The following EYS variants were observed in gnomAD, a reference collection of about 807,000 sequenced individuals.
EYS encodes the protein EGF-like photoreceptor maintenance factor.
In EYS, 250 loss-of-function variants were observed where a neutral mutation model predicts 282.1. The ratio of observed to expected loss-of-function variants is 0.89; its 90% CI spans 0.80 to 0.98. The LOEUF is 0.98. Among genes scored for constraint, EYS ranks in the 50% least tolerant of loss-of-function variants. The pLI, the probability that EYS is intolerant of heterozygous loss-of-function variation, is 0.00. For missense variants in EYS, 4,016 were observed against 3,709.0 expected (o/e 1.08, Z -2.15); for synonymous variants, 1,355 against 1,282.9 (o/e 1.06, Z -1.20).
intron 13 of EYS, among the ~76,000 whole-genome samples, chr6:65,011,022 G>T (rs1561919760): frequency 1.3e-5 from 2 of 152,192 alleles, no homozygotes; most frequent in Admixed American, 6.5e-5. Flanking sequence ...CTTATAGAAG[G>T]ATCCCTAGTA....
At chr6:64,350,426 T>A (rs1771580859) in intron 29 of EYS, among the ~76,000 whole-genome samples, 1 of 150,388 alleles carries the variant, frequency 6.6e-6, no homozygotes, top group African/African-American at 2.4e-5. Context: ...AGTAATTCCT[T>A]GTTAACCCAC....
intron 26 of EYS, among the ~76,000 whole-genome samples, chr6:64,572,671 A>G (rs1231360807): frequency 6.6e-6 from 1 of 152,174 alleles, no homozygotes; most frequent in Non-Finnish European, 1.5e-5. Context: ...CCCATTCACA[A>G]TTGCTACAAA....
intron 21 of EYS, among the ~76,000 whole-genome samples, chr6:64,817,109 G>A (rs911165447): frequency 4.0e-5 from 6 of 151,876 alleles, no homozygotes; most frequent in African/African-American, 1.2e-4. Context: ...AAAGGATATC[G>A]ATATTCTCTA....
chr6:64,148,055 G>A (rs1774578310), intron 31 of EYS, among the ~76,000 whole-genome samples: 1 of 151,974 alleles, frequency 6.6e-6, no homozygotes, highest in Non-Finnish European at 1.5e-5. Context: ...TTAAAATGTT[G>A]TTTCTTGCTT....
intron 26 of EYS, among the ~76,000 whole-genome samples, chr6:64,467,498 A>G (rs1236566606): frequency 6.6e-6 from 1 of 152,182 alleles, no homozygotes; most frequent in Non-Finnish European, 1.5e-5. Flanking sequence ...GGTAAATTCT[A>G]ATGAGTTGAT....
In EYS at chr6:65,092,703, A is replaced by G. The variant is rs1774610988; in HGVS notation, c.2024-34976T>C. Among the ~76,000 whole-genome samples the G allele has an allele frequency of 2.0e-5, 3 of 152,154 alleles. No individual in the cohort carries two copies. In the South Asian group the frequency reaches 6.2e-4, roughly 32 times the overall value. On this transcript the variant is annotated intron_variant, in intron 12 of 42. Coordinates refer to ENST00000503581, the MANE Select transcript of EYS (RefSeq NM_001142800.2). ...TTTTGTGTTTTATATCCAAGCACGTATCTAATTATCTTTCTGACTGAATTG... is the reference window on the plus strand; with the variant it reads ...TTTTGTGTTTTATATCCAAGCACGTGTCTAATTATCTTTCTGACTGAATTG...
chr6:64,873,846 A>T lies in EYS; in HGVS notation c.2992+12851T>A, dbSNP rs538683086. On this transcript the variant is annotated intron_variant, in intron 19 of 42. Coordinates refer to ENST00000503581, the MANE Select transcript of EYS (RefSeq NM_001142800.2). ...GTGTCAATTAAAAATAAATAAATAC[A>T]TAAATTTTACAAATGAAAAAATAAA... is the stretch of plus-strand genomic sequence containing the variant. Among the ~76,000 whole-genome samples, 72 of 152,200 alleles carry T rather than the reference A, an allele frequency of 4.7e-4. 1 individual carries two copies. Among genetic ancestry groups the T allele is most frequent in the African/African-American group, 1.7e-3 (69 of 41,558 alleles).
At chr6:64,876,705 T>A (rs1766761228) in intron 19 of EYS, among the ~76,000 whole-genome samples, 1 of 152,062 alleles carries the variant, frequency 6.6e-6, no homozygotes, top group Non-Finnish European at 1.5e-5. Context: ...TAGGTAGGCT[T>A]GTAAGAGAAA....
chr6:63,774,420 C>T (rs564547079), intron 40 of EYS, among the ~76,000 whole-genome samples: 92 of 152,210 alleles, frequency 6.0e-4, no homozygotes, highest in Admixed American at 2.4e-3. Context: ...CCACCCATCT[C>T]GGCCTCCCAA....
chr6:65,317,729 C>G (rs962036085), intron 11 of EYS, among the ~76,000 whole-genome samples: 1 of 151,922 alleles, frequency 6.6e-6, no homozygotes, highest in African/African-American at 2.4e-5. Context: ...ACTTGGATAC[C>G]GACAGAGCTC....
At chr6:64,184,430 CA>C (rs1369744642) in intron 31 of EYS, among the ~76,000 whole-genome samples, 4 of 152,016 alleles carry the variant, frequency 2.6e-5, no homozygotes, top group South Asian at 2.1e-4. Flanking sequence ...TTGAGGTTAG[CA>C]AAAGGCTAGC....
intron 35 of EYS, among the ~76,000 whole-genome samples, chr6:63,933,163 G>T (rs1250396873): frequency 6.6e-6 from 1 of 152,154 alleles, no homozygotes; most frequent in African/African-American, 2.4e-5. Context: ...CTACACAAGT[G>T]AGCTCAATGA....
At chr6:65,424,489 G>C (rs2150379348) in intron 5 of EYS, among the ~76,000 whole-genome samples, 1 of 151,782 alleles carries the variant, frequency 6.6e-6, no homozygotes, top group Admixed American at 6.6e-5. Context: ...TTAATACACA[G>C]TATTAAATAA....
intron 12 of EYS, among the ~76,000 whole-genome samples, chr6:65,138,392 G>A (rs1470588713): frequency 1.3e-5 from 2 of 151,938 alleles, no homozygotes; most frequent in African/African-American, 2.4e-5. Flanking sequence ...TACTACCAGC[G>A]ATATTTGGAA....
At chr6:64,741,921 G>T (rs912769104) in intron 22 of EYS, among the ~76,000 whole-genome samples, 1 of 152,066 alleles carries the variant, frequency 6.6e-6, no homozygotes, top group Admixed American at 6.6e-5. Flanking sequence ...CAATGAGGCT[G>T]CTTCTGTTTC....
chr6:64,283,474 C>T (rs1197543074), intron 30 of EYS, among the ~76,000 whole-genome samples: 1 of 152,042 alleles, frequency 6.6e-6, no homozygotes, highest in Non-Finnish European at 1.5e-5. Context: ...TGACTGAACA[C>T]ATATGGGGTA....
intron 22 of EYS, among the ~76,000 whole-genome samples, chr6:64,703,333 A>G (rs891728000): frequency 1.4e-5 from 2 of 147,062 alleles, no homozygotes; most frequent in Non-Finnish European, 3.0e-5. Context: ...TTATGTATGT[A>G]TACTGGAGGT....
chr6:63,814,067 A>G (rs558029612), intron 36 of EYS, among the ~76,000 whole-genome samples: 6 of 152,188 alleles, frequency 3.9e-5, no homozygotes, highest in Non-Finnish European at 7.3e-5. Context: ...ATTTAGCTCA[A>G]TATCCTGCCG....
At chr6:63,819,066 C>G (rs146967233) in intron 36 of EYS, among the ~76,000 whole-genome samples, 126 of 152,326 alleles carry the variant, frequency 8.3e-4, no homozygotes, top group African/African-American at 3.0e-3. Flanking sequence ...ACTAGACTGT[C>G]TCCCCACCTC....
Sources: gnomAD v4.1 joint callset for allele counts (sites outside exome capture counted in the v4.1 genomes callset) on GRCh38, gnomAD v4.1.1 for gene constraint, MANE v1.5 for transcripts, NCBI Gene and HGNC (gene_info 2026-07-23, HGNC 2026-07-21) for gene names.